The following IARS2 variants were observed in gnomAD, a reference collection of about 807,000 sequenced individuals.
IARS2 encodes isoleucine--tRNA ligase, mitochondrial.
In IARS2, 56 loss-of-function variants were observed where a neutral mutation model predicts 126.3. That is an observed-to-expected ratio of 0.44 (90% CI 0.36 to 0.55). The LOEUF (loss-of-function observed/expected upper bound fraction) is 0.55. Ranked by LOEUF, IARS2 falls within the 20% of genes least tolerant of loss-of-function variation. The pLI is 0.00. For missense variants in IARS2, 1,127 were observed against 1,245.9 expected, an observed-to-expected ratio of 0.90 and a Z score of 1.44; for synonymous variants, 407 against 441.1, an observed-to-expected ratio of 0.92 and a Z score of 0.97.
chr1:220,111,248 C>T (rs968871188), intron 11 of IARS2, among the ~76,000 whole-genome samples: 4 of 152,082 alleles, frequency 2.6e-5, no homozygotes, highest in Admixed American at 2.6e-4. Flanking sequence ...CTAGTTTAAC[C>T]TCCCACTGCC....
At chr1:220,109,270 G>T (rs1371608536) in intron 10 of IARS2, among the ~76,000 whole-genome samples, 1 of 151,936 alleles carries the variant, frequency 6.6e-6, no homozygotes, top group Non-Finnish European at 1.5e-5. Flanking sequence ...TGTGGTGGTA[G>T]GTGCCTGTAA....
intron 1 of IARS2, 37 bp from the exon 2 acceptor site, chr1:220,096,067 A>T (rs1230750528): frequency 4.2e-6 from 5 of 1,192,704 alleles, no homozygotes; most frequent in Non-Finnish European, 6.1e-6. Flanking sequence ...GTATGTATTT[A>T]TATGATGTTT....
chr1:220,142,646 A>G (rs892370667), intron 20 of IARS2, among the ~76,000 whole-genome samples: 5 of 152,194 alleles, frequency 3.3e-5, no homozygotes, highest in East Asian at 1.9e-4. Flanking sequence ...GAAGTCACTT[A>G]TAATGTTACT....
intron 14 of IARS2, among the ~76,000 whole-genome samples, chr1:220,129,579 T>C (rs1328469441): frequency 2.0e-5 from 3 of 152,190 alleles, no homozygotes; most frequent in African/African-American, 7.2e-5. Context: ...CTTTTTTAGC[T>C]CCCACATATG....
chr1:220,141,656 A>G, intron 19 of IARS2, 147 bp from the exon 20 acceptor site: 2 of 783,612 alleles, frequency 2.6e-6, no homozygotes. Context: ...GTAAAATTGT[A>G]GGAGAGTGTA....
At chr1:220,101,924 C>T (rs1385161264) in intron 3 of IARS2, among the ~76,000 whole-genome samples, 2 of 152,082 alleles carry the variant, frequency 1.3e-5, no homozygotes, top group Non-Finnish European at 2.9e-5. Flanking sequence ...TGGCGTGAAC[C>T]CGGGAGGCAG....
intron 1 of IARS2, 72 bp from the exon 2 acceptor site, chr1:220,096,032 C>A: frequency 2.5e-6 from 2 of 808,652 alleles, no homozygotes; most frequent in Non-Finnish European, 2.0e-6. Flanking sequence ...CAAGTGTTGG[C>A]TGTTATTTAT....
At chr1:220,126,708 T>A (rs369155929) in intron 13 of IARS2, 42 bp from the exon 14 acceptor site, 2 of 1,420,852 alleles carry the variant, frequency 1.4e-6, no homozygotes, top group Non-Finnish European at 2.0e-6. Context: ...GTCTATATTG[T>A]GATCTTTGTG....
intron 9 of IARS2, among the ~76,000 whole-genome samples, chr1:220,106,624 T>A (rs908312867): frequency 6.6e-6 from 1 of 151,688 alleles, no homozygotes; most frequent in African/African-American, 2.4e-5. Context: ...CCTTTTCTTT[T>A]CTTTTCTTTT....
Position 220,147,575 on chromosome 1 carries a change from T to C in IARS2, c.2979T>C (p.Tyr993=). The change falls in exon 23 of 23, where the codon TAT becomes TAC. Residue 993 remains tyrosine, a synonymous_variant. Transcript: ENST00000366922. ...AAAAATGCCCCCGTTGTTGGAAGTA[T>C]ACAGCGGAGTCTTCAGATACACTGT... ...TKEKCPRCWK[Y]TAESSDTLCP... is the part of the protein sequence containing the mutation. The C allele has an allele frequency of 6.2e-7, 1 of 1,614,050 alleles. No individual in the cohort carries two copies. Among genetic ancestry groups the C allele is most frequent in the South Asian group, 1.1e-5 (1 of 91,076 alleles).
At chr1:220,108,524 T>A (rs1656728797) in intron 10 of IARS2, among the ~76,000 whole-genome samples, 1 of 152,124 alleles carries the variant, frequency 6.6e-6, no homozygotes, top group African/African-American at 2.4e-5. Flanking sequence ...TAGCTGGGAC[T>A]ACAGGCGCCT....
intron 14 of IARS2, among the ~76,000 whole-genome samples, chr1:220,133,228 G>T (rs903684884): frequency 3.3e-5 from 5 of 151,964 alleles, no homozygotes; most frequent in African/African-American, 9.7e-5. Context: ...ACCTGGTCTC[G>T]AACTCCTGAC....
chr1:220,118,123 G>T, intron 12 of IARS2: 1 of 468,742 alleles, frequency 2.1e-6, no homozygotes, highest in Admixed American at 2.5e-5. Flanking sequence ...ACAATTTTCT[G>T]TCTTTCTTTA....
chr1:220,101,117 T>C (rs2102817920), intron 3 of IARS2, among the ~76,000 whole-genome samples: 1 of 152,288 alleles, frequency 6.6e-6, no homozygotes, highest in Middle Eastern at 3.4e-3. Flanking sequence ...TGTGAAGATT[T>C]TTTTACTTCC....
intron 21 of IARS2, among the ~76,000 whole-genome samples, chr1:220,143,583 C>A (rs750190762): frequency 6.6e-6 from 1 of 152,088 alleles, no homozygotes; most frequent in African/African-American, 2.4e-5. Context: ...ATAAATTGAT[C>A]GCGATCGTCT....
intron 8 of IARS2, among the ~76,000 whole-genome samples, chr1:220,105,333 G>C (rs890101406): frequency 2.6e-5 from 4 of 152,152 alleles, no homozygotes; most frequent in Non-Finnish European, 1.5e-5. Flanking sequence ...TTTTGAAAGT[G>C]TTAAGGTTGA....
intron 9 of IARS2, 39 bp from the exon 10 acceptor site, chr1:220,107,022 T>C (rs1400235582): frequency 8.0e-7 from 1 of 1,246,828 alleles, no homozygotes; most frequent in Non-Finnish European, 1.2e-6. Flanking sequence ...TAAGAGAAAA[T>C]GTCTTGATAT....
intron 11 of IARS2, among the ~76,000 whole-genome samples, chr1:220,111,626 A>G (rs375811325): frequency 1.5e-5 from 2 of 136,918 alleles, no homozygotes; most frequent in Non-Finnish European, 3.1e-5. Flanking sequence ...GTGTGTGTGT[A>G]AACATCTCTC....
At chr1:220,130,100 CTGA>C (rs1408352586) in intron 14 of IARS2, among the ~76,000 whole-genome samples, 1 of 152,158 alleles carries the variant, frequency 6.6e-6, no homozygotes, top group Non-Finnish European at 1.5e-5. Context: ...TTGCACTTCC[CTGA>C]TGATTAGTGA....
Sources: allele counts gnomAD v4.1 joint callset (sites outside exome capture counted in the v4.1 genomes callset), GRCh38; gene constraint gnomAD v4.1.1; transcripts MANE v1.5; gene names NCBI Gene and HGNC (gene_info 2026-07-23, HGNC 2026-07-21).